The following GABRB2 variants were observed in gnomAD, a reference collection of about 807,000 sequenced individuals.
GABRB2 encodes gamma-aminobutyric acid type A receptor subunit beta2.
GABRB2 carries 16 observed loss-of-function variants against 54.7 expected under a neutral mutation model. That is an observed-to-expected ratio of 0.29 (90% CI 0.20 to 0.44). The LOEUF is 0.44. Among genes scored for constraint, GABRB2 ranks in the 20% least tolerant of loss-of-function variants. The pLI is 1.00. For missense variants in GABRB2, 355 were observed against 644.0 expected (o/e 0.55, Z 4.86); for synonymous variants, 244 against 233.8 (o/e 1.04, Z -0.40).
intron 3 of GABRB2, among the ~76,000 whole-genome samples, chr5:161,467,787 A>G (rs1758321868): frequency 6.6e-6 from 1 of 152,098 alleles, no homozygotes; most frequent in African/African-American, 2.4e-5. Context: ...TAAGTCATAT[A>G]GTATGTACAT....
At chr5:161,363,744 T>G (rs2962400) in intron 5 of GABRB2, among the ~76,000 whole-genome samples, 99,863 of 151,912 alleles carry the variant, frequency 0.66, 33,923 homozygotes, top group South Asian at 0.76. Context: ...GCAATCATTC[T>G]TTCTTTAGCT....
intron 4 of GABRB2, among the ~76,000 whole-genome samples, chr5:161,423,340 C>A (rs950312434): frequency 6.6e-6 from 1 of 152,084 alleles, no homozygotes; most frequent in Non-Finnish European, 1.5e-5. Context: ...CTTTATTGCA[C>A]CTTGCAGACA....
chr5:161,531,436 CAAG>C (rs1342942162), intron 3 of GABRB2, among the ~76,000 whole-genome samples: 1 of 151,994 alleles, frequency 6.6e-6, no homozygotes, highest in African/African-American at 2.4e-5. Context: ...TTCAAAGAAA[CAAG>C]AAAATTCAAT....
At chr5:161,539,113 G>A (rs538048341) in intron 3 of GABRB2, among the ~76,000 whole-genome samples, 20 of 152,154 alleles carry the variant, frequency 1.3e-4, no homozygotes, top group Non-Finnish European at 2.9e-4. Context: ...CTCTTTGGTT[G>A]GCAAATGTGT....
intron 2 of GABRB2, among the ~76,000 whole-genome samples, chr5:161,545,545 T>C (rs902097295): frequency 2.0e-5 from 3 of 151,832 alleles, no homozygotes; most frequent in African/African-American, 7.3e-5. Context: ...TGTCTACATA[T>C]GCATATGTCT....
chr5:161,294,511 TTAAGGGATTTATAGGAGTGGTAAAGA>T, intron 9 of GABRB2, 83 bp from the exon 10 acceptor site: 2 of 1,183,086 alleles, frequency 1.7e-6, no homozygotes, highest in Non-Finnish European at 2.4e-6. Context: ...TGATCGGCAC[TTAAGGGATTTATAGGAGTGGTAAAGA>T]GAGCTACCTT....
At chr5:161,445,750 C>G (rs1006033657) in intron 4 of GABRB2, among the ~76,000 whole-genome samples, 1 of 152,074 alleles carries the variant, frequency 6.6e-6, no homozygotes, top group Non-Finnish European at 1.5e-5. Flanking sequence ...AATCCATTAC[C>G]TGAAAGCCTC....
rs367959731 is a variant in GABRB2 at position 161,414,755 on chromosome 5, AC to A, written c.459-3699del. ...TATTAATTATTATTATAATAATAAA[AC>A]AAATATAACAATAAATAAAACAAAG... On this transcript the variant is annotated intron_variant, in intron 4 of 9. Coordinates refer to ENST00000393959, the MANE Select transcript of GABRB2 (RefSeq NM_001371727.1). 5.4e-3 allele frequency among the ~76,000 whole-genome samples: 821 copies of A among 151,278 alleles called. 3 individuals carry two copies. Among genetic ancestry groups the A allele is most frequent in the African/African-American group, 6.1e-3 (252 of 41,426 alleles).
chr5:161,525,398 T>C (rs1328178905), intron 3 of GABRB2, among the ~76,000 whole-genome samples: 2 of 151,316 alleles, frequency 1.3e-5, no homozygotes, highest in East Asian at 3.9e-4. Context: ...ATATAGACCA[T>C]TAAGAGTAAA....
chr5:161,320,106 T>C (rs1327321554), intron 9 of GABRB2, among the ~76,000 whole-genome samples: 2 of 151,856 alleles, frequency 1.3e-5, no homozygotes, highest in African/African-American at 4.8e-5. Context: ...TTGTGGGTTA[T>C]TTTGATTTTC....
At chr5:161,342,872 C>A (rs1381086360) in intron 5 of GABRB2, among the ~76,000 whole-genome samples, 11 of 151,984 alleles carry the variant, frequency 7.2e-5, no homozygotes, top group Admixed American at 7.2e-4. Flanking sequence ...GCAAAAGAGA[C>A]AAATATTTCA....
chr5:161,385,112 A>G (rs1755584281), intron 5 of GABRB2, among the ~76,000 whole-genome samples: 1 of 152,150 alleles, frequency 6.6e-6, no homozygotes, highest in Non-Finnish European at 1.5e-5. Context: ...GACCTCTTCC[A>G]GAAAGTGCCG....
chr5:161,399,106 G>A (rs987697623), intron 5 of GABRB2, among the ~76,000 whole-genome samples: 6 of 152,062 alleles, frequency 3.9e-5, no homozygotes, highest in Admixed American at 1.3e-4. Flanking sequence ...TTTGGGTATG[G>A]GCCAAGCAAA....
intron 4 of GABRB2, among the ~76,000 whole-genome samples, chr5:161,426,711 A>G (rs1757009012): frequency 6.6e-6 from 1 of 152,100 alleles, no homozygotes; most frequent in Admixed American, 6.6e-5. Flanking sequence ...ATTTCAAATA[A>G]ACAAAAAAGA....
chr5:161,419,037 G>A (rs1756768324), intron 4 of GABRB2, among the ~76,000 whole-genome samples: 1 of 152,166 alleles, frequency 6.6e-6, no homozygotes, highest in Admixed American at 6.5e-5. Flanking sequence ...TGAGATGGGA[G>A]GATCACCTGA....
chr5:161,537,951 G>A (rs912076751), intron 3 of GABRB2, among the ~76,000 whole-genome samples: 5 of 151,482 alleles, frequency 3.3e-5, no homozygotes, highest in Middle Eastern at 3.4e-3. Context: ...TTTCTGCTTG[G>A]AACATCTATC....
rs544781011 is a variant in GABRB2 at position 161,540,037 on chromosome 5, A to T, written c.237+5190T>A. ...TGCTAAACGCTGGCGTGGCTGAGAC[A>T]GTTTCTTAAAATGAGACAACAATGA... On this transcript the variant is annotated intron_variant, in intron 3 of 9. Transcript: ENST00000393959. 1.6e-3 allele frequency among the ~76,000 whole-genome samples: 239 copies of T among 152,304 alleles called. 1 individual carries two copies. The highest frequency in any genetic ancestry group is 5.2e-3 in the African/African-American group (217 of 41,552).
intron 4 of GABRB2, among the ~76,000 whole-genome samples, chr5:161,454,752 T>C (rs924619238): frequency 6.6e-6 from 1 of 152,132 alleles, no homozygotes; most frequent in Non-Finnish European, 1.5e-5. Context: ...CCTCTTCCTA[T>C]GAATGAGGAC....
At chr5:161,465,687 A>AT (rs770529400) in intron 3 of GABRB2, among the ~76,000 whole-genome samples, 9 of 151,934 alleles carry the variant, frequency 5.9e-5, no homozygotes, top group Admixed American at 5.3e-4. Context: ...CTCATTGAAC[A>AT]TTTTTTTATT....
Sources: allele counts gnomAD v4.1 joint callset (sites outside exome capture counted in the v4.1 genomes callset), GRCh38; gene constraint gnomAD v4.1.1; transcripts MANE v1.5; gene names NCBI Gene and HGNC (gene_info 2026-07-23, HGNC 2026-07-21).